Variants in VOPP1 observed in about 807,000 individuals in gnomAD.
VOPP1 encodes the protein WW domain binding protein VOPP1.
A neutral mutation model predicts 23.5 loss-of-function variants in VOPP1; 8 were observed. That is an observed-to-expected ratio of 0.34 (90% CI 0.20 to 0.61). VOPP1 has a LOEUF of 0.61. VOPP1 is among the 20% of genes least tolerant of loss of function. The pLI, the probability that VOPP1 is intolerant of heterozygous loss-of-function variation, is 0.78. For missense variants in VOPP1, 174 were observed against 238.1 expected (o/e 0.73, Z 1.77); for synonymous variants, 83 against 97.3 (o/e 0.85, Z 0.86).
At chr7:55,503,783 G>C (rs967628570) in intron 2 of VOPP1, among the ~76,000 whole-genome samples, 6 of 152,168 alleles carry the variant, frequency 3.9e-5, no homozygotes, top group Non-Finnish European at 8.8e-5. Context: ...ACGAACCACG[G>C]ACAGAGCCCT....
At chr7:55,530,644 C>A (rs78845449) in intron 1 of VOPP1, among the ~76,000 whole-genome samples, 3 of 152,162 alleles carry the variant, frequency 2.0e-5, no homozygotes, top group African/African-American at 7.2e-5. Flanking sequence ...TCATAATCCA[C>A]GACCCACCCT....
chr7:55,551,231 T>G (rs1351663814), intron 1 of VOPP1, among the ~76,000 whole-genome samples: 2 of 152,230 alleles, frequency 1.3e-5, no homozygotes, highest in African/African-American at 4.8e-5. Context: ...CAAGGCTTCA[T>G]GTGAAATAAA....
At chr7:55,556,988 A>G (rs1797832764) in intron 1 of VOPP1, among the ~76,000 whole-genome samples, 1 of 152,234 alleles carries the variant, frequency 6.6e-6, no homozygotes, top group Non-Finnish European at 1.5e-5. Context: ...CCTTGTATGA[A>G]TAATGTTGTA....
At chr7:55,537,500 C>A in intron 1 of VOPP1, 2 of 1,536,150 alleles carry the variant, frequency 1.3e-6, no homozygotes, top group Non-Finnish European at 1.7e-6. Flanking sequence ...CGAGCAAGCA[C>A]CTGAGCATGT....
At chr7:55,544,094 C>T (rs1054854214) in intron 1 of VOPP1, among the ~76,000 whole-genome samples, 3 of 152,204 alleles carry the variant, frequency 2.0e-5, no homozygotes, top group South Asian at 4.2e-4. Context: ...TTGTACATGG[C>T]GAGAGACAGA....
At chr7:55,476,650 G>A (rs1323876156) in intron 4 of VOPP1, among the ~76,000 whole-genome samples, 1 of 152,120 alleles carries the variant, frequency 6.6e-6, no homozygotes, top group Non-Finnish European at 1.5e-5. Context: ...CCAAACTCAG[G>A]GCACGTGGGT....
At chr7:55,489,420 G>A (rs185669990) in intron 4 of VOPP1, among the ~76,000 whole-genome samples, 12 of 152,322 alleles carry the variant, frequency 7.9e-5, no homozygotes, top group Admixed American at 4.6e-4. Context: ...TGGCTCTTCC[G>A]TGGGAAGCCT....
chr7:55,571,463 T>C (rs1179421451), intron 1 of VOPP1, among the ~76,000 whole-genome samples: 2 of 152,324 alleles, frequency 1.3e-5, no homozygotes, highest in East Asian at 1.9e-4. Flanking sequence ...AAGGAGAAAG[T>C]TGAACAAGCC....
At chr7:55,461,696 G>A (rs1040775293) in intron 4 of VOPP1, among the ~76,000 whole-genome samples, 1 of 152,198 alleles carries the variant, frequency 6.6e-6, no homozygotes, top group Non-Finnish European at 1.5e-5. Context: ...GATTACAGAC[G>A]TGAGCCACTG....
rs960535831 is a variant in VOPP1 at position 55,538,280 on chromosome 7, T to G, written c.55-17150A>C. On this transcript the variant is annotated intron_variant, in intron 1 of 4. Coordinates refer to ENST00000285279, the MANE Select transcript of VOPP1 (RefSeq NM_030796.5). ...CAGTCCGCACTTAGGAACTCTCTTC[T>G]CCAACTGAGCTACACTCTCTGGTCC... 2.0e-4 allele frequency among the ~76,000 whole-genome samples: 30 copies of G among 152,188 alleles called. 1 individual carries two copies.
At chr7:55,501,602 A>G (rs1794372627) in intron 2 of VOPP1, among the ~76,000 whole-genome samples, 2 of 152,140 alleles carry the variant, frequency 1.3e-5, no homozygotes, top group East Asian at 3.9e-4. Context: ...GGCTCTTACC[A>G]TTTTTACGCC....
intron 4 of VOPP1, among the ~76,000 whole-genome samples, chr7:55,481,090 G>T (rs1222748795): frequency 2.6e-5 from 4 of 152,246 alleles, no homozygotes; most frequent in African/African-American, 9.6e-5. Flanking sequence ...CTGTTGGGCA[G>T]AAGGGGCAGG....
At position 55,537,760 on chromosome 7, in the gene VOPP1, C is replaced by A. The variant is rs954563089; in HGVS notation, c.55-16630G>T. On this transcript the variant is annotated intron_variant, in intron 1 of 4. Transcript: ENST00000285279. The stretch of plus-strand genomic sequence containing the variant: ...GTGACAGTGTGAAAAGCAGGTCCGG[C>A]CCCCAGGCCCAGGCCACCAAGGAAC... 2.2e-6 allele frequency: 3 copies of A among 1,356,572 alleles called. 1 individual carries two copies. The highest frequency in any genetic ancestry group is 6.0e-5 in the Admixed American group (2 of 33,462). The allele number at this position is 1,356,572 out of a possible 1,614,324, so 84.0% of individuals were successfully genotyped here. A position where few individuals can be genotyped will look rare whatever the true frequency, so the allele number is the denominator to read the frequency against.
At chr7:55,504,735 G>A (rs1485356637) in intron 2 of VOPP1, among the ~76,000 whole-genome samples, 1 of 152,232 alleles carries the variant, frequency 6.6e-6, no homozygotes, top group Non-Finnish European at 1.5e-5. Flanking sequence ...TGTCCAAAAG[G>A]ACTCGCATAT....
At chr7:55,448,531 C>T (rs1791158399) in intron 4 of VOPP1, among the ~76,000 whole-genome samples, 1 of 148,806 alleles carries the variant, frequency 6.7e-6, no homozygotes, top group East Asian at 2.1e-4. Flanking sequence ...TGATTTTTCG[C>T]TCGAGCCCCG....
At chr7:55,525,413 C>T (rs964994580) in intron 1 of VOPP1, among the ~76,000 whole-genome samples, 3 of 150,960 alleles carry the variant, frequency 2.0e-5, no homozygotes, top group Admixed American at 6.6e-5. Context: ...GGCGTGAACT[C>T]GGGAGGCGGA....
intron 1 of VOPP1, among the ~76,000 whole-genome samples, chr7:55,549,636 C>G (rs1487295690): frequency 6.6e-6 from 1 of 152,212 alleles, no homozygotes; most frequent in Non-Finnish European, 1.5e-5. Context: ...AGCCGTGTAC[C>G]TTGGGCCCTG....
chr7:55,547,133 AGGAG>A (rs746631979), intron 1 of VOPP1, among the ~76,000 whole-genome samples: 5 of 152,200 alleles, frequency 3.3e-5, no homozygotes, highest in Non-Finnish European at 5.9e-5. Context: ...ACAGAGCTGT[AGGAG>A]GGAGTGGTGG....
intron 3 of VOPP1, among the ~76,000 whole-genome samples, chr7:55,493,584 G>A (rs142515360): frequency 0.012 from 1,768 of 152,312 alleles, 12 homozygotes; most frequent in Middle Eastern, 0.02. Context: ...GACTGAAACT[G>A]TGGCCTTTGT....
Sources: allele counts gnomAD v4.1 joint callset (sites outside exome capture counted in the v4.1 genomes callset), GRCh38; gene constraint gnomAD v4.1.1; transcripts MANE v1.5; gene names NCBI Gene and HGNC (gene_info 2026-07-23, HGNC 2026-07-21).